MYL5: variants seen among roughly 807,000 people sequenced by gnomAD.
MYL5 encodes myosin light chain 5, also known as myosin regulatory light chain 5.
MYL5 carries 28 observed loss-of-function variants against 20.8 expected under a neutral mutation model. That is an observed-to-expected ratio of 1.35 (90% CI 1.00 to 1.84). MYL5 has a LOEUF of 1.84. Ranked by LOEUF, MYL5 falls within the 40% of genes most tolerant of loss-of-function variation. The pLI, the probability that MYL5 is intolerant of heterozygous loss-of-function variation, is 0.00. For synonymous variants in MYL5, 118 were observed against 87.4 expected (o/e 1.35, Z -1.95); for missense variants, 274 against 227.3 (o/e 1.21, Z -1.32).
At chr4:678,123 G>C (rs116184458) in intron 1 of MYL5, 94 bp downstream of exon 3, 1 of 1,568,608 alleles carries the variant, frequency 6.4e-7, no homozygotes, top group South Asian at 1.2e-5. Flanking sequence ...GGGCGTGTCC[G>C]TGCTTGCGTG....
intron 5 of MYL5, 94 bp downstream of exon 7, chr4:680,681 GCCCACCTC>G: frequency 2.3e-6 from 3 of 1,298,240 alleles, no homozygotes; most frequent in South Asian, 1.2e-5. Flanking sequence ...CAGATGCCAC[GCCCACCTC>G]CCCACCTCTG....
chr4:678,816 G>A, intron 2 of MYL5, 51 bp downstream of exon 4: 1 of 1,608,424 alleles, frequency 6.2e-7, no homozygotes, highest in Non-Finnish European at 8.5e-7. Flanking sequence ...AGCCTGTGCT[G>A]GGAAGACCCC....
intron 2 of MYL5, 77 bp from the exon 5 acceptor site, chr4:678,881 G>A: frequency 6.2e-7 from 1 of 1,606,452 alleles, no homozygotes; most frequent in Non-Finnish European, 8.5e-7. Context: ...AGTCAGGGGT[G>A]CTGAGGAACC....
upstream of MYL5, among the ~76,000 whole-genome samples, chr4:677,065 G>C (rs1230697596): frequency 6.6e-6 from 1 of 152,198 alleles, no homozygotes; most frequent in African/African-American, 2.4e-5. Context: ...ACCTGCTGTT[G>C]TGGCTGCATA....
At chr4:677,871 C>T, upstream of MYL5, 1 of 1,293,656 alleles carries the variant, frequency 7.7e-7, no homozygotes, top group Non-Finnish European at 1.1e-6. Context: ...TGCCAAAGCT[C>T]ACTCTGCAGC....
chr4:680,624 G>A, intron 5 of MYL5, 37 bp downstream of exon 7: 2 of 1,598,366 alleles, frequency 1.3e-6, no homozygotes, highest in African/African-American at 1.3e-5. Flanking sequence ...CCGGCTTCCG[G>A]GGAACCCCAG....
chr4:681,680 GCCC>G, intron 6 of MYL5: 1 of 15,666 alleles, frequency 6.4e-5, no homozygotes, highest in African/African-American at 2.9e-4. Context: ...CTCCAGCGCC[GCCC>G]CGCCCCCTCC....
At chr4:678,243 C>T (rs1176731381) in intron 1 of MYL5, 32 of 1,477,242 alleles carry the variant, frequency 2.2e-5, no homozygotes, top group Non-Finnish European at 2.6e-5. Context: ...GTGGGAAGTA[C>T]GTGCCTCACG....
intron 5 of MYL5, chr4:680,806 T>G: frequency 1.6e-6 from 1 of 636,624 alleles, no homozygotes; most frequent in South Asian, 1.9e-5. Context: ...TGGGGCGGCT[T>G]CCCCTCAGCC....
chr4:678,178 A>G (rs1577329517), intron 1 of MYL5, 149 bp downstream of exon 3: 4 of 1,538,024 alleles, frequency 2.6e-6, no homozygotes, highest in Non-Finnish European at 3.5e-6. Flanking sequence ...ATGTGTGTGC[A>G]TGAGCGTGTG....
At chr4:676,945 C>G, upstream of MYL5, 1 of 985,278 alleles carries the variant, frequency 1.0e-6, no homozygotes, top group Non-Finnish European at 1.2e-6. Flanking sequence ...TCTCAGGGGA[C>G]GCCAACTGTG....
upstream of MYL5, chr4:676,041 G>A (rs1738808758): frequency 6.6e-6 from 1 of 152,234 alleles, no homozygotes; most frequent in Non-Finnish European, 1.5e-5. Flanking sequence ...GAAGACTCCT[G>A]CCTGAGGCCT....
intron 4 of MYL5, 41 bp from the exon 7 acceptor site, chr4:680,468 G>A (rs1363399811): frequency 6.2e-7 from 1 of 1,604,824 alleles, no homozygotes. Flanking sequence ...CCACGGGACT[G>A]CCACCCTGAC....
At chr4:676,235 G>C (rs1178086463), upstream of MYL5, 1 of 152,276 alleles carries the variant, frequency 6.6e-6, no homozygotes, top group African/African-American at 2.4e-5. Context: ...CCCTTCACTG[G>C]AGTTTAAAAT....
chr4:680,197 C>T (rs1295510758), intron 4 of MYL5, among the ~76,000 whole-genome samples, 179 bp downstream of exon 6: 1 of 151,704 alleles, frequency 6.6e-6, no homozygotes, highest in Admixed American at 6.5e-5. Flanking sequence ...CTCAGGCCCG[C>T]CCTCCTGCCC....
chr4:678,909 C>G, intron 2 of MYL5, 49 bp from the exon 5 acceptor site: 1 of 1,610,758 alleles, frequency 6.2e-7, no homozygotes, highest in Non-Finnish European at 8.5e-7. Flanking sequence ...GGGGGCGGGG[C>G]AGAGCCCAGC....
chr4:677,106 C>T (rs184187611), upstream of MYL5, among the ~76,000 whole-genome samples: 971 of 152,338 alleles, frequency 6.4e-3, 11 homozygotes, highest in African/African-American at 0.022. Flanking sequence ...CCTGCAGCAC[C>T]GAGGGGCAGG....
upstream of MYL5, chr4:674,554 G>T (rs1738702285): frequency 4.2e-6 from 2 of 473,850 alleles, no homozygotes; most frequent in African/African-American, 4.2e-5. Context: ...TTCCCCGCAG[G>T]GCTGGGGGTC....
intron 6 of MYL5, chr4:681,674 AGCGCCGC>A (rs1739624891): frequency 3.0e-4 from 1 of 3,388 alleles, no homozygotes; most frequent in South Asian, 0.014. Flanking sequence ...CGCCCCCTCC[AGCGCCGC>A]CCCGCCCCCT....
Sources: gnomAD v4.1 joint callset for allele counts (sites outside exome capture counted in the v4.1 genomes callset) on GRCh38, gnomAD v4.1.1 for gene constraint, MANE v1.5 for transcripts, NCBI Gene and HGNC (gene_info 2026-07-23, HGNC 2026-07-21) for gene names.